SPATA16: variants seen among roughly 807,000 people sequenced by gnomAD.
The protein encoded by SPATA16 is spermatogenesis associated 16.
Under a neutral mutation model 63.3 loss-of-function variants are expected in SPATA16, and 36 were observed. That is an observed-to-expected ratio of 0.57 (90% CI 0.44 to 0.75). The LOEUF (loss-of-function observed/expected upper bound fraction) is 0.75. SPATA16 is among the 30% of genes least tolerant of loss of function. The probability of loss-of-function intolerance (pLI) is 0.00; values close to 1 mark genes in which losing one functional copy is unlikely to be tolerated. For missense variants in SPATA16, 646 were observed against 679.3 expected, an observed-to-expected ratio of 0.95 and a Z score of 0.54; for synonymous variants, 203 against 216.7, an observed-to-expected ratio of 0.94 and a Z score of 0.56.
At chr3:172,934,588 GT>G (rs1163790694) in intron 6 of SPATA16, among the ~76,000 whole-genome samples, 1 of 151,864 alleles carries the variant, frequency 6.6e-6, no homozygotes, top group Non-Finnish European at 1.5e-5. Context: ...GTTGAAATTG[GT>G]TTATAAGTAC....
At chr3:173,078,412 CAG>C (rs1220622654) in intron 2 of SPATA16, among the ~76,000 whole-genome samples, 2 of 152,048 alleles carry the variant, frequency 1.3e-5, no homozygotes, top group South Asian at 4.1e-4. Context: ...ATTGAAAAAA[CAG>C]AGTTAAAAGC....
At chr3:173,140,397 T>C (rs561551778) in intron 1 of SPATA16, among the ~76,000 whole-genome samples, 1 of 152,352 alleles carries the variant, frequency 6.6e-6, no homozygotes, top group Admixed American at 6.5e-5. Context: ...CTGGAACCTA[T>C]TTTTAATTGC....
At chr3:172,981,146 TCCTC>T (rs942751920) in intron 4 of SPATA16, among the ~76,000 whole-genome samples, 9 of 152,222 alleles carry the variant, frequency 5.9e-5, no homozygotes, top group African/African-American at 2.2e-4. Context: ...TTTCTGGTTT[TCCTC>T]CTATCTTTCT....
At chr3:173,011,916 C>T (rs904320836) in intron 4 of SPATA16, among the ~76,000 whole-genome samples, 5 of 152,236 alleles carry the variant, frequency 3.3e-5, no homozygotes, top group Admixed American at 3.3e-4. Context: ...TGGGCTTAAG[C>T]GATCTTCCTG....
At chr3:172,997,076 A>G (rs1734709860) in intron 4 of SPATA16, among the ~76,000 whole-genome samples, 1 of 152,198 alleles carries the variant, frequency 6.6e-6, no homozygotes, top group African/African-American at 2.4e-5. Flanking sequence ...GCAATTATGA[A>G]CAAAGCTGCT....
chr3:172,974,196 T>C (rs186685531), intron 5 of SPATA16, among the ~76,000 whole-genome samples: 2 of 152,228 alleles, frequency 1.3e-5, no homozygotes, highest in East Asian at 1.9e-4. Context: ...TGTTCTCAAA[T>C]TTTTACATTC....
At chr3:173,000,470 C>A (rs1349911922) in intron 4 of SPATA16, among the ~76,000 whole-genome samples, 2 of 152,028 alleles carry the variant, frequency 1.3e-5, no homozygotes, top group Non-Finnish European at 2.9e-5. Flanking sequence ...ATAATTAAAT[C>A]TTTAATCTTT....
chr3:173,056,791 G>A lies in SPATA16; in HGVS notation c.613-7697C>T, dbSNP rs908881371. On this transcript the variant is annotated intron_variant, in intron 2 of 10. Coordinates refer to ENST00000351008, the MANE Select transcript of SPATA16 (RefSeq NM_031955.6). ...CATTTTTTCTGTAAATACATAGATCGCCATTTACATTATGGTATTTCCCAT... is the reference window on the plus strand; with the variant it reads ...CATTTTTTCTGTAAATACATAGATCACCATTTACATTATGGTATTTCCCAT... Among the ~76,000 whole-genome samples the A allele has an allele frequency of 4.7e-5, 7 of 148,244 alleles. No homozygotes were observed. In the South Asian group the frequency reaches 6.4e-4, roughly 13 times the overall value.
chr3:172,920,014 T>C (rs923437490), intron 8 of SPATA16, among the ~76,000 whole-genome samples: 2 of 152,236 alleles, frequency 1.3e-5, no homozygotes, highest in Non-Finnish European at 2.9e-5. Flanking sequence ...TTTTTAAAAA[T>C]TGAATCCAGC....
Position 172,925,481 on chromosome 3 carries a change from G to A in SPATA16, c.1093C>T (p.Leu365Phe), listed in dbSNP as rs1290635085. Residue 365 changes from leucine to phenylalanine, a missense_variant, in exon 7 of 11, where the codon CTC becomes TTC. Leu to Phe is a conservative substitution (Grantham distance 22). Coordinates refer to ENST00000351008, the MANE Select transcript of SPATA16 (RefSeq NM_031955.6). ...TCAACTGTCTGAGGCAACATGTGGA[G>A]TGCTTGAAGATCTGAAATATGACAG... ...AEYMYTDLQALHMLPQTVDWS... is the reference protein window; with the variant it reads ...AEYMYTDLQAFHMLPQTVDWS... The A allele has an allele frequency of 2.5e-6, 4 of 1,614,018 alleles. No homozygotes were observed. The highest frequency in any genetic ancestry group is 3.4e-6 in the Non-Finnish European group (4 of 1,179,922).
intron 5 of SPATA16, among the ~76,000 whole-genome samples, chr3:172,959,787 CATATATATAT>C (rs66806016): frequency 0.33 from 44,874 of 135,444 alleles, 7,717 homozygotes; most frequent in Middle Eastern, 0.43. Context: ...AGTAATATAA[CATATATATAT>C]ATATATATAT....
At chr3:173,006,357 A>G (rs1471986579) in intron 4 of SPATA16, among the ~76,000 whole-genome samples, 2 of 152,238 alleles carry the variant, frequency 1.3e-5, no homozygotes, top group Non-Finnish European at 2.9e-5. Context: ...AAAGCCCTTC[A>G]GGCAGATGGC....
chr3:173,097,085 C>G (rs1407230038), intron 2 of SPATA16, among the ~76,000 whole-genome samples: 1 of 152,006 alleles, frequency 6.6e-6, no homozygotes, highest in Non-Finnish European at 1.5e-5. Flanking sequence ...TTTTAAATTG[C>G]ACACTATTGT....
chr3:173,042,512 G>C (rs1054528544), intron 3 of SPATA16, among the ~76,000 whole-genome samples: 2 of 151,980 alleles, frequency 1.3e-5, no homozygotes, highest in Non-Finnish European at 2.9e-5. Flanking sequence ...AGGCAGAAAG[G>C]CATTTTAAAA....
chr3:173,084,855 C>T (rs1219844707), intron 2 of SPATA16, among the ~76,000 whole-genome samples: 1 of 152,128 alleles, frequency 6.6e-6, no homozygotes, highest in African/African-American at 2.4e-5. Context: ...TCTGAGTTCT[C>T]TATTCTGCTC....
intron 2 of SPATA16, among the ~76,000 whole-genome samples, chr3:173,086,325 G>A (rs1737052100): frequency 1.3e-5 from 2 of 152,084 alleles, no homozygotes; most frequent in Non-Finnish European, 2.9e-5. Context: ...TTTGGTTAGA[G>A]GTGTTTATAG....
chr3:172,995,391 A>G (rs1734673060), intron 4 of SPATA16, among the ~76,000 whole-genome samples: 1 of 152,094 alleles, frequency 6.6e-6, no homozygotes, highest in South Asian at 2.1e-4. Flanking sequence ...TTAAAACTGG[A>G]TTGCTAATCC....
intron 6 of SPATA16, among the ~76,000 whole-genome samples, chr3:172,951,099 G>T (rs1733419555): frequency 6.6e-6 from 1 of 151,854 alleles, no homozygotes; most frequent in Non-Finnish European, 1.5e-5. Flanking sequence ...TCTGGGGCTG[G>T]TAAATTATTA....
chr3:172,971,148 C>T (rs1251957656), intron 5 of SPATA16, among the ~76,000 whole-genome samples: 2 of 152,126 alleles, frequency 1.3e-5, no homozygotes, highest in Non-Finnish European at 2.9e-5. Flanking sequence ...ATGAAGACAC[C>T]TCTGAGCACA....
Sources: allele counts gnomAD v4.1 joint callset (sites outside exome capture counted in the v4.1 genomes callset), GRCh38; gene constraint gnomAD v4.1.1; transcripts MANE v1.5; gene names NCBI Gene and HGNC (gene_info 2026-07-23, HGNC 2026-07-21).